The following ECE1 variants were observed in gnomAD, a reference collection of about 807,000 sequenced individuals.
The protein encoded by ECE1 is endothelin converting enzyme 1, also known as endothelin-converting enzyme 1.
A neutral mutation model predicts 98.6 loss-of-function variants in ECE1; 35 were observed. The observed-to-expected ratio is 0.35, with a 90% CI of 0.27 to 0.47. ECE1 has a LOEUF of 0.47. ECE1 is among the 20% of genes least tolerant of loss of function. The probability of loss-of-function intolerance (pLI) is 1.00; values close to 1 mark genes in which losing one functional copy is unlikely to be tolerated. For synonymous variants in ECE1, 394 were observed against 407.1 expected, an observed-to-expected ratio of 0.97 and a Z score of 0.39; for missense variants, 814 against 1,025.3, an observed-to-expected ratio of 0.79 and a Z score of 2.81.
intron 3 of ECE1, among the ~76,000 whole-genome samples, chr1:21,276,598 G>C (rs972754884): frequency 6.6e-6 from 1 of 152,114 alleles, no homozygotes; most frequent in African/African-American, 2.4e-5. Context: ...TTTCTGGAAA[G>C]GAAGCATAGC....
At chr1:21,337,739 A>G (rs1431299902) in intron 1 of ECE1, among the ~76,000 whole-genome samples, 10 of 152,136 alleles carry the variant, frequency 6.6e-5, no homozygotes, top group Admixed American at 5.2e-4. Context: ...ATACTGCCCC[A>G]GGAGCTCCAT....
chr1:21,279,619 T>G (rs1328374187), intron 2 of ECE1: 1 of 1,427,692 alleles, frequency 7.0e-7, no homozygotes, highest in Non-Finnish European at 9.1e-7. Flanking sequence ...AAACTACAGC[T>G]TTTCCCTGTT....
At chr1:21,298,880 C>T in intron 1 of ECE1, 1 of 456,306 alleles carries the variant, frequency 2.2e-6, no homozygotes, top group Non-Finnish European at 4.4e-6. Flanking sequence ...GAGTTGTCCA[C>T]TCTGATCTTC....
chr1:21,237,698 G>A (rs527262226), intron 11 of ECE1, among the ~76,000 whole-genome samples: 5 of 152,276 alleles, frequency 3.3e-5, no homozygotes, highest in South Asian at 2.1e-4. Context: ...CCCGACCAGC[G>A]GTGAGGCCAG....
chr1:21,239,871 A>ATTG (rs1318455122), intron 10 of ECE1, among the ~76,000 whole-genome samples: 1 of 151,004 alleles, frequency 6.6e-6, no homozygotes, highest in Non-Finnish European at 1.5e-5. Context: ...GGGTGACTTC[A>ATTG]TTGGTCAAAC....
At chr1:21,240,153 A>G (rs141012731) in intron 10 of ECE1, among the ~76,000 whole-genome samples, 13 of 152,188 alleles carry the variant, frequency 8.5e-5, no homozygotes, top group African/African-American at 3.1e-4. Flanking sequence ...CCTGGGTGAC[A>G]GAGCGAGACT....
Position 21,282,941 on chromosome 1 carries a change from T to A in ECE1, c.139-3609A>T, listed in dbSNP as rs1023788671. Among the ~76,000 whole-genome samples, 559 of 144,758 alleles carry A rather than the reference T, an allele frequency of 3.9e-3. 7 individuals carry two copies. Among genetic ancestry groups the A allele is most frequent in the Non-Finnish European group, 5.7e-3 (377 of 66,104 alleles). The allele number at this position is 144,758 out of a possible 152,430, so 95.0% of individuals were successfully genotyped here. A position where few individuals can be genotyped will look rare whatever the true frequency, so the allele number is the denominator to read the frequency against. On this transcript the variant is annotated intron_variant, in intron 2 of 18. Transcript: ENST00000374893. Reference sequence around the variant, plus strand: ...CAATTCTATCTTCACAACATTATTTTTTTTTTTTTTTTTTTTTTGAGACGG... The same window carrying A: ...CAATTCTATCTTCACAACATTATTTATTTTTTTTTTTTTTTTTTGAGACGG...
chr1:21,264,131 T>C (rs2098230719), intron 4 of ECE1, among the ~76,000 whole-genome samples: 2 of 152,130 alleles, frequency 1.3e-5, no homozygotes, highest in African/African-American at 2.4e-5. Flanking sequence ...AGCCTGAGGA[T>C]GAGGGGCAGG....
At chr1:21,273,020 A>G in intron 3 of ECE1, 109 bp from the exon 4 acceptor site, 1 of 1,224,646 alleles carries the variant, frequency 8.2e-7, no homozygotes, top group Non-Finnish European at 1.2e-6. Context: ...CCTGGCCCTG[A>G]CCACACAGAT....
intron 2 of ECE1, among the ~76,000 whole-genome samples, chr1:21,284,131 A>T (rs2098258078): frequency 6.6e-6 from 1 of 152,202 alleles, no homozygotes; most frequent in South Asian, 2.1e-4. Flanking sequence ...TCTTCTTTGC[A>T]TCCCTGTCGC....
intron 1 of ECE1, among the ~76,000 whole-genome samples, chr1:21,336,625 C>T (rs192701318): frequency 1.2e-4 from 19 of 152,234 alleles, no homozygotes; most frequent in African/African-American, 4.1e-4. Context: ...GGGCGGATCA[C>T]GAGGTCAGGA....
chr1:21,313,740 A>T (rs2103393395), intron 1 of ECE1, among the ~76,000 whole-genome samples: 1 of 152,290 alleles, frequency 6.6e-6, no homozygotes, highest in Admixed American at 6.5e-5. Flanking sequence ...ATGTGTTCTC[A>T]TCTATAAAAT....
Position 21,244,994 on chromosome 1 carries a change from T to C in ECE1, c.1273A>G (p.Lys425Glu), listed in dbSNP as rs748727619. Residue 425 changes from lysine (K) to glutamate (E), a missense_variant, in exon 10 of 19, where the codon AAG becomes GAG. Lys to Glu is a moderately conservative substitution (Grantham distance 56, BLOSUM62 1). Coordinates refer to ENST00000374893, the MANE Select transcript of ECE1 (RefSeq NM_001397.3). Reference protein sequence around the residue: ...EKFMEVMYGTKKTCLPRWKFC... With the variant: ...EKFMEVMYGTEKTCLPRWKFC... ...ATACGCAGTAGCAGGCTCACCTTCTTGGTCCCGTACATGACTTCCATGAAC... is the reference window on the plus strand; with the variant it reads ...ATACGCAGTAGCAGGCTCACCTTCTCGGTCCCGTACATGACTTCCATGAAC... The C allele has an allele frequency of 1.2e-6, 2 of 1,613,968 alleles. No homozygotes were observed. Among genetic ancestry groups the C allele is most frequent in the Non-Finnish European group, 1.7e-6 (2 of 1,179,952 alleles).
Position 21,228,060 on chromosome 1 carries a change from CAGG to C in ECE1, c.1671-22_1671-20del, listed in dbSNP as rs2098176724. 4 of 1,546,182 alleles carry C rather than the reference CAGG, an allele frequency of 2.6e-6. No individual in the cohort carries two copies. The highest frequency in any genetic ancestry group is 2.6e-6 in the Non-Finnish European group (3 of 1,142,978). The stretch of plus-strand genomic sequence containing the variant: ...GCTCCACCTGCAAGCAACACACATG[CAGG>C]AGGTCTCAGCACAGGGCGGGAGGCA... On this transcript the variant is annotated intron_variant, in intron 14 of 18. Coordinates refer to ENST00000374893, the MANE Select transcript of ECE1 (RefSeq NM_001397.3).
At chr1:21,294,329 C>T (rs554829696), upstream of ECE1, 3 of 152,414 alleles carry the variant, frequency 2.0e-5, no homozygotes, top group Admixed American at 6.5e-5. The surrounding 1 kb of genome is among the most constrained non-coding windows in gnomAD (Gnocchi z 4.2). Flanking sequence ...CGCCTGGCCC[C>T]GAGTGTGTTG....
In ECE1 at chr1:21,238,174, A is replaced by T; in HGVS notation, c.1349T>A (p.Met450Lys). 1 of 1,614,240 alleles carries T rather than the reference A, an allele frequency of 6.2e-7. No individual in the cohort carries two copies. Reference sequence around the variant, plus strand: ...CTCGGCGAAGGTTGCTTTGACAAACATGGGGCCCAACGCAAAGCCCAGGTT... The same window carrying T: ...CTCGGCGAAGGTTGCTTTGACAAACTTGGGGCCCAACGCAAAGCCCAGGTT... ...ENNLGFALGPMFVKATFAEDS... is the reference protein window; with the variant it reads ...ENNLGFALGPKFVKATFAEDS... The change falls in exon 11 of 19, where the codon ATG becomes AAG. Residue 450 changes from methionine (M) to lysine (K), a missense_variant. Coordinates refer to ENST00000374893, the MANE Select transcript of ECE1 (RefSeq NM_001397.3).
At position 21,226,410 on chromosome 1, in the gene ECE1, G is replaced by A. The variant is rs747350988; in HGVS notation, c.1849+749C>T. Among the ~76,000 whole-genome samples, 25 of 152,102 alleles carry A rather than the reference G, an allele frequency of 1.6e-4. 1 individual carries two copies. Among genetic ancestry groups the A allele is most frequent in the Non-Finnish European group, 3.2e-4 (22 of 68,012 alleles). On this transcript the variant is annotated intron_variant, in intron 16 of 18. Coordinates refer to ENST00000374893, the MANE Select transcript of ECE1 (RefSeq NM_001397.3). ...CATGGGGGCCTGGAGAAATGACAGC[G>A]CTTGCTAAACTTCATATAATCGGCA...
Position 21,247,272 on chromosome 1 carries a change from T to A in ECE1, c.1112A>T (p.Asp371Val), listed in dbSNP as rs2098205046. ...GGAGATCTGCTCAAGGTATTCCTTG[T>A]CATAGACCACAATAGGCTCGGATTC... Reference protein sequence around the residue: ...INESEPIVVYDKEYLEQISTL... With the variant: ...INESEPIVVYVKEYLEQISTL... Residue 371 changes from aspartate to valine, a missense_variant, in exon 9 of 19, where the codon GAC becomes GTC. By Grantham distance (152) the Asp-to-Val change is radical (BLOSUM62 -3). Transcript: ENST00000374893. 1 of 1,614,136 alleles carries A rather than the reference T, an allele frequency of 6.2e-7. No individual in the cohort carries two copies.
rs142472837 is a variant in ECE1 at position 21,278,604 on chromosome 1, C to G, written c.280+587G>C. 2.0e-5 allele frequency among the ~76,000 whole-genome samples: 3 copies of G among 152,220 alleles called. No homozygotes were observed. The East Asian group carries it at 5.8e-4, about 29-fold the overall frequency. On this transcript the variant is annotated intron_variant, in intron 3 of 18. Coordinates refer to ENST00000374893, the MANE Select transcript of ECE1 (RefSeq NM_001397.3). ...CAGTTTCCTAATATGGAAAAGGGGC[C>G]AAAAGTAACCACACTTCACAGGGCT...
Sources: gnomAD v4.1 joint callset for allele counts (sites outside exome capture counted in the v4.1 genomes callset) on GRCh38, gnomAD v4.1.1 for gene constraint, Gnocchi (gnomAD v3.1) non-coding constraint, MANE v1.5 for transcripts, NCBI Gene and HGNC (gene_info 2026-07-23, HGNC 2026-07-21) for gene names.